RRN3: variants seen among roughly 807,000 people sequenced by gnomAD.
The protein encoded by RRN3 is RNA polymerase I-specific transcription initiation factor RRN3.
RRN3 carries 38 observed loss-of-function variants against 82.3 expected under a neutral mutation model. That is an observed-to-expected ratio of 0.46 (90% CI 0.36 to 0.61). The LOEUF (loss-of-function observed/expected upper bound fraction) is 0.61, where lower values mean the gene tolerates loss of function less well. Among genes scored for constraint, RRN3 ranks in the 20% least tolerant of loss-of-function variants. RRN3 has a pLI of 0.00. For synonymous variants in RRN3, 284 were observed against 284.3 expected (o/e 1.00, Z 0.01); for missense variants, 726 against 793.1 (o/e 0.92, Z 1.02).
At chr16:15,089,778 C>T (rs1327295077) in intron 3 of RRN3, among the ~76,000 whole-genome samples, 5 of 90,480 alleles carry the variant, frequency 5.5e-5, no homozygotes, top group African/African-American at 1.8e-4. Context: ...CCAGCCTGGG[C>T]GACAGAGCAA....
At chr16:15,084,122 T>C (rs1326883486) in intron 7 of RRN3, among the ~76,000 whole-genome samples, 1 of 152,200 alleles carries the variant, frequency 6.6e-6, no homozygotes, top group African/African-American at 2.4e-5. Context: ...AGGGAGCTTC[T>C]CTCCCACAGA....
intron 12 of RRN3, among the ~76,000 whole-genome samples, chr16:15,071,699 C>T (rs2045237832): frequency 6.6e-6 from 1 of 152,126 alleles, no homozygotes; most frequent in African/African-American, 2.4e-5. Context: ...ACCCAGGAGG[C>T]AGAGGTTGCA....
rs374296900 is a variant in RRN3 at position 15,080,063 on chromosome 16, C to A, written c.700G>T (p.Val234Leu). 5 of 1,602,098 alleles carry A rather than the reference C, an allele frequency of 3.1e-6. No homozygotes were observed. In the Admixed American group the frequency reaches 6.9e-5, roughly 22 times the overall value. The change falls in exon 9 of 18, where the codon GTA becomes TTA. Residue 234 changes from valine to leucine, a missense_variant. This residue lies in a region of RRN3 where 344 missense variants were observed against 394.5 expected (regional missense o/e 0.87). Transcript: ENST00000198767. The part of the protein sequence containing the change: ...CYVHNLLRIS[V>L]YFPTLRHEIL... ...TCATGCCTCAAGGTTGGAAAATATA[C>A]ACTAATCCTTAGTAAGTTATGAACG... is the stretch of plus-strand genomic sequence containing the variant.
At chr16:15,088,804 C>T (rs2046005864) in intron 3 of RRN3, among the ~76,000 whole-genome samples, 1 of 152,084 alleles carries the variant, frequency 6.6e-6, no homozygotes, top group South Asian at 2.1e-4. Context: ...AAAGAAGCAC[C>T]AAATAGACCA....
chr16:15,073,440 G>T (rs1208237660), intron 11 of RRN3, among the ~76,000 whole-genome samples: 1 of 152,098 alleles, frequency 6.6e-6, no homozygotes, highest in African/African-American at 2.4e-5. Flanking sequence ...CTGGGTTAGA[G>T]TAAGACCGTG....
intron 1 of RRN3, among the ~76,000 whole-genome samples, chr16:15,093,548 G>C (rs1437569212): frequency 6.6e-6 from 1 of 152,128 alleles, no homozygotes; most frequent in African/African-American, 2.4e-5. Context: ...CAGTAAGCAG[G>C]AGCTCGATAA....
Position 15,071,109 on chromosome 16 carries a change from T to C in RRN3, c.1259+12A>G. Reference sequence around the variant, plus strand: ...TGATATTAAAAAGTATTCGGAAAATTAGGCTACTTACATAAGAGGAATAAA... The same window carrying C: ...TGATATTAAAAAGTATTCGGAAAATCAGGCTACTTACATAAGAGGAATAAA... On this transcript the variant is annotated intron_variant, in intron 13 of 17. Coordinates refer to ENST00000198767, the MANE Select transcript of RRN3 (RefSeq NM_018427.5). 2.5e-6 allele frequency: 4 copies of C among 1,593,874 alleles called. No individual in the cohort carries two copies. The South Asian group carries it at 4.6e-5, about 18-fold the overall frequency.
Position 15,079,997 on chromosome 16 carries a change from C to T in RRN3, c.765+1G>A. 6.3e-7 allele frequency: 1 copy of T among 1,591,038 alleles called. No homozygotes were observed. Among genetic ancestry groups the T allele is most frequent in the Non-Finnish European group, 8.6e-7 (1 of 1,168,034 alleles). On this transcript the variant is annotated splice_donor_variant, in intron 9 of 17. Coordinates refer to ENST00000198767, the MANE Select transcript of RRN3 (RefSeq NM_018427.5). LOFTEE classifies it high-confidence loss of function. ...ATAAAAATAGATTACTCAATACTTA[C>T]ATCCAACTTGAGTAGTTTTTCAATA...
chr16:15,069,741 C>T (rs1175482061), intron 14 of RRN3, among the ~76,000 whole-genome samples: 1 of 152,202 alleles, frequency 6.6e-6, no homozygotes, highest in Non-Finnish European at 1.5e-5. Flanking sequence ...GAAGGTGCAT[C>T]CAACTGAAGC....
At chr16:15,065,129 G>A (rs1021855349) in intron 16 of RRN3, 90 bp downstream of exon 16, 9 of 1,317,864 alleles carry the variant, frequency 6.8e-6, no homozygotes, top group Middle Eastern at 1.9e-4. Flanking sequence ...TCACACCACC[G>A]CACTCCAGCC....
intron 1 of RRN3, among the ~76,000 whole-genome samples, chr16:15,093,760 T>A (rs1205029568): frequency 1.3e-5 from 2 of 151,990 alleles, no homozygotes; most frequent in Admixed American, 6.6e-5. Context: ...ACAAAAAAGA[T>A]GTAATATTCA....
At chr16:15,078,322 C>T (rs1396203693) in intron 9 of RRN3, among the ~76,000 whole-genome samples, 1 of 152,120 alleles carries the variant, frequency 6.6e-6, no homozygotes, top group Non-Finnish European at 1.5e-5. Context: ...CAAACCTGCT[C>T]ACGTCTCTCC....
intron 15 of RRN3, among the ~76,000 whole-genome samples, chr16:15,067,278 C>T (rs1182684376): frequency 4.7e-5 from 7 of 150,448 alleles, no homozygotes; most frequent in East Asian, 1.9e-4. Context: ...TTCTCCAATT[C>T]GCTTTCTCCA....
chr16:15,087,357 G>A (rs536225477), intron 3 of RRN3, among the ~76,000 whole-genome samples: 22 of 152,234 alleles, frequency 1.4e-4, no homozygotes, highest in African/African-American at 5.1e-4. Context: ...TTGCTGTTCA[G>A]GAAGCTGAGG....
At chr16:15,064,894 C>T (rs1458810844) in intron 16 of RRN3, among the ~76,000 whole-genome samples, 2 of 152,160 alleles carry the variant, frequency 1.3e-5, no homozygotes, top group Admixed American at 6.5e-5. Context: ...TGGCCGGGCG[C>T]GGTGGCTCAC....
chr16:15,064,852 A>C (rs1350789869), intron 16 of RRN3, among the ~76,000 whole-genome samples: 1 of 152,192 alleles, frequency 6.6e-6, no homozygotes, highest in East Asian at 1.9e-4. Context: ...TTTTGGGAAA[A>C]GCAAACATGT....
intron 15 of RRN3, among the ~76,000 whole-genome samples, chr16:15,067,282 T>C (rs2045020314): frequency 1.3e-5 from 2 of 150,330 alleles, no homozygotes; most frequent in African/African-American, 2.4e-5. Flanking sequence ...CCAATTCGCT[T>C]TCTCCATAAA....
At chr16:15,070,281 C>T in intron 13 of RRN3, 27 bp from the exon 14 acceptor site, 1 of 1,609,094 alleles carries the variant, frequency 6.2e-7, no homozygotes, top group Non-Finnish European at 8.5e-7. Context: ...TTCAAGTCAA[C>T]TTTACACATC....
At chr16:15,088,715 T>C (rs1359072418) in intron 3 of RRN3, among the ~76,000 whole-genome samples, 1 of 152,160 alleles carries the variant, frequency 6.6e-6, no homozygotes, top group Non-Finnish European at 1.5e-5. Context: ...AGGAAAAGTA[T>C]GTTTTCAGAA....
Sources: allele counts gnomAD v4.1 joint callset (sites outside exome capture counted in the v4.1 genomes callset), GRCh38; gene constraint gnomAD v4.1.1; regional missense constraint gnomAD v4.1.1; transcripts MANE v1.5; gene names NCBI Gene and HGNC (gene_info 2026-07-23, HGNC 2026-07-21).